CIMIP3: variants seen among roughly 807,000 people sequenced by gnomAD.
The protein encoded by CIMIP3 is ciliary microtubule inner protein 3.
chr6:42,162,394 A>G, the CIMIP3 span, among the ~76,000 whole-genome samples: 51 of 141,862 alleles, frequency 3.6e-4, no homozygotes, highest in Middle Eastern at 0.014. Context: ...CAGCCTGGGC[A>G]ACAAGAGCGA....
At chr6:42,163,267 G>T in the CIMIP3 span, 1 of 549,520 alleles carries the variant, frequency 1.8e-6, no homozygotes, top group Non-Finnish European at 3.3e-6. Flanking sequence ...CCAAACGGAA[G>T]CCCCCGACCC....
chr6:42,160,096 C>T, the CIMIP3 span, among the ~76,000 whole-genome samples: 1 of 152,158 alleles, frequency 6.6e-6, no homozygotes. Flanking sequence ...AGCCATCCTC[C>T]TGCCTCAACC....
At chr6:42,162,438 G>A in the CIMIP3 span, among the ~76,000 whole-genome samples, 2 of 142,994 alleles carry the variant, frequency 1.4e-5, no homozygotes, top group South Asian at 2.2e-4. Flanking sequence ...ATGGAGTCTC[G>A]CTCTGTGAGT....
At chr6:42,162,112 T>TC in the CIMIP3 span, among the ~76,000 whole-genome samples, 1 of 128,812 alleles carries the variant, frequency 7.8e-6, no homozygotes, top group Admixed American at 7.7e-5. Flanking sequence ...TTTTTTTTTT[T>TC]TTTTTTTTGA....
At chr6:42,163,027 G>A in the CIMIP3 span, 2 of 717,166 alleles carry the variant, frequency 2.8e-6, no homozygotes, top group East Asian at 2.7e-5. Context: ...AGGACCTCGA[G>A]CAGTCTCTGG....
chr6:42,155,714 C>A, the CIMIP3 span: 2 of 697,144 alleles, frequency 2.9e-6, no homozygotes, highest in African/African-American at 1.8e-5. Context: ...GAACAGGACA[C>A]CCTCCATCTT....
At chr6:42,155,612 G>A in the CIMIP3 span, 4 of 717,356 alleles carry the variant, frequency 5.6e-6, no homozygotes, top group Non-Finnish European at 7.8e-6. Flanking sequence ...TCTTACAAAA[G>A]GCTTAGTTGG....
the CIMIP3 span, among the ~76,000 whole-genome samples, chr6:42,158,437 G>T: frequency 6.6e-6 from 1 of 152,296 alleles, no homozygotes; most frequent in Admixed American, 6.5e-5. Flanking sequence ...GGGGACCCTG[G>T]CTGTCCCCTA....
the CIMIP3 span, among the ~76,000 whole-genome samples, chr6:42,162,407 C>T: frequency 1.2e-4 from 10 of 85,624 alleles, no homozygotes; most frequent in Admixed American, 4.5e-4. Flanking sequence ...AAGAGCGAAA[C>T]TCTTTTTTTT....
the CIMIP3 span, among the ~76,000 whole-genome samples, chr6:42,160,475 G>A: frequency 6.6e-6 from 1 of 152,204 alleles, no homozygotes; most frequent in South Asian, 2.1e-4. Flanking sequence ...ATAGAACGCA[G>A]TCCTGACTGC....
At chr6:42,159,429 G>A in the CIMIP3 span, among the ~76,000 whole-genome samples, 9 of 152,194 alleles carry the variant, frequency 5.9e-5, no homozygotes, top group South Asian at 2.1e-4. Context: ...GTGAATGAAC[G>A]AATGAAGCAA....
the CIMIP3 span, chr6:42,163,406 C>T: frequency 2.5e-6 from 1 of 404,900 alleles, no homozygotes; most frequent in Non-Finnish European, 4.4e-6. Flanking sequence ...GGAGGTCTCT[C>T]TTCTCAGCAG....
At chr6:42,163,195 C>T in the CIMIP3 span, 1 of 601,524 alleles carries the variant, frequency 1.7e-6, no homozygotes, top group South Asian at 2.0e-5. Context: ...ACACTGACCA[C>T]ACCCGCAAGC....
chr6:42,156,620 C>T, the CIMIP3 span, among the ~76,000 whole-genome samples: 2 of 152,210 alleles, frequency 1.3e-5, no homozygotes, highest in African/African-American at 2.4e-5. Context: ...TGTGTGAAAC[C>T]ACGGTGTAAC....
chr6:42,157,476 C>T, the CIMIP3 span, among the ~76,000 whole-genome samples: 2 of 152,062 alleles, frequency 1.3e-5, no homozygotes, highest in East Asian at 3.9e-4. Context: ...TCTCAAACTC[C>T]TGGGCTCAAG....
the CIMIP3 span, among the ~76,000 whole-genome samples, chr6:42,161,368 G>A: frequency 6.6e-6 from 1 of 152,084 alleles, no homozygotes; most frequent in Non-Finnish European, 1.5e-5. Flanking sequence ...TCCCCTGACC[G>A]CTGAAGCCTG....
chr6:42,161,944 G>A, the CIMIP3 span, among the ~76,000 whole-genome samples: 1 of 152,040 alleles, frequency 6.6e-6, no homozygotes. Flanking sequence ...GTGCACAGGA[G>A]GGAGAGCACG....
At chr6:42,157,491 C>T in the CIMIP3 span, among the ~76,000 whole-genome samples, 1 of 151,966 alleles carries the variant, frequency 6.6e-6, no homozygotes, top group Non-Finnish European at 1.5e-5. Flanking sequence ...CTCAAGTGAT[C>T]TGCCCACCTC....
chr6:42,162,573 G>A, the CIMIP3 span, among the ~76,000 whole-genome samples: 1 of 151,106 alleles, frequency 6.6e-6, no homozygotes, highest in Admixed American at 6.6e-5. Flanking sequence ...GAAGAGGGAG[G>A]GGAGGGCCAC....
Sources: allele counts gnomAD v4.1 joint callset (sites outside exome capture counted in the v4.1 genomes callset), GRCh38; gene constraint gnomAD v4.1.1; transcripts MANE v1.5; gene names NCBI Gene and HGNC (gene_info 2026-07-23, HGNC 2026-07-21).